KIRREL3: variants seen among roughly 807,000 people sequenced by gnomAD.
The protein encoded by KIRREL3 is kirre like nephrin family adhesion molecule 3, also known as kin of IRRE-like protein 3.
KIRREL3 carries 36 observed loss-of-function variants against 89.7 expected under a neutral mutation model. The ratio of observed to expected loss-of-function variants is 0.40; its 90% CI spans 0.31 to 0.53. The LOEUF is 0.53. Among genes scored for constraint, KIRREL3 ranks in the 20% least tolerant of loss-of-function variants. KIRREL3 has a pLI of 0.49. For synonymous variants in KIRREL3, 445 were observed against 441.4 expected (o/e 1.01, Z -0.10); for missense variants, 864 against 1,056.6 (o/e 0.82, Z 2.53).
Position 126,776,729 on chromosome 11 carries a change from A to T in KIRREL3, c.56-213817T>A, listed in dbSNP as rs1356824998. ...AGAGAACAGAGGGAATGCTTATGGA[A>T]CACCAACACCACTTCTTCTTTCACC... On this transcript the variant is annotated intron_variant, in intron 1 of 16. Transcript: ENST00000525144. This position sits in a 1 kb window ranked among gnomAD's most constrained non-coding sequence, Gnocchi z 4.7. Among the ~76,000 whole-genome samples the T allele has an allele frequency of 6.6e-6, 1 of 152,174 alleles. No homozygotes were observed. The highest frequency in any genetic ancestry group is 1.5e-5 in the Non-Finnish European group (1 of 68,032).
At chr11:127,001,293 T>G, upstream of KIRREL3, 1 of 29,736 alleles carries the variant, frequency 3.4e-5, no homozygotes, top group South Asian at 1.5e-3. Context: ...GAGTTTCCTG[T>G]GGGTGGGTGG....
rs893935723 is a variant in KIRREL3 at position 126,642,055 on chromosome 11, C to A, written c.56-79143G>T. Among the ~76,000 whole-genome samples, 3 of 152,158 alleles carry A rather than the reference C, an allele frequency of 2.0e-5. No homozygotes were observed. Among genetic ancestry groups the A allele is most frequent in the Non-Finnish European group, 4.4e-5 (3 of 68,024 alleles). On this transcript the variant is annotated intron_variant, in intron 1 of 16. Transcript: ENST00000525144. The surrounding 1 kb of genome is among the most constrained non-coding windows in gnomAD (Gnocchi z 4.9). ...TGTCCTTAGATGCTGCAGATGGAGC[C>A]CAGATCCCAGTGAGCGACTGCTGGG...
chr11:126,429,152 T>C lies in KIRREL3; in HGVS notation c.1806+27A>G, dbSNP rs954739230. ...ACCTTCTGGGAATGGAGTCACGGGA[T>C]GGGATGGGGCGTAATTGCATTCTTA... On this transcript the variant is annotated intron_variant, in intron 15 of 16. Transcript: ENST00000525144. The surrounding 1 kb of genome is among the most constrained non-coding windows in gnomAD (Gnocchi z 5.2). The C allele has an allele frequency of 3.2e-5, 46 of 1,423,028 alleles. No homozygotes were observed. The highest frequency in any genetic ancestry group is 1.8e-4 in the Middle Eastern group (1 of 5,676). The allele number at this position is 1,423,028 out of a possible 1,614,324, so 88.2% of individuals were successfully genotyped here.
rs1947952059 is a variant in KIRREL3, at chr11:126,931,600, T to C, written c.55+68855A>G. 6.6e-6 allele frequency among the ~76,000 whole-genome samples: 1 copy of C among 152,254 alleles called. No homozygotes were observed. The highest frequency in any genetic ancestry group is 1.5e-5 in the Non-Finnish European group (1 of 68,050). On this transcript the variant is annotated intron_variant, in intron 1 of 16. Coordinates refer to ENST00000525144, the MANE Select transcript of KIRREL3 (RefSeq NM_032531.4). This position sits in a 1 kb window ranked among gnomAD's most constrained non-coding sequence, Gnocchi z 5.1. The stretch of plus-strand genomic sequence containing the variant: ...AATGAAGCTGTTTTATGTCCAAATC[T>C]ACTTTCTAGTAGCAAGTATAAGAAT...
rs1174598727 is a variant in KIRREL3 at position 126,734,103 on chromosome 11, G to A, written c.56-171191C>T. Among the ~76,000 whole-genome samples the A allele has an allele frequency of 6.6e-6, 1 of 152,180 alleles. No individual in the cohort carries two copies. Among genetic ancestry groups the A allele is most frequent in the African/African-American group, 2.4e-5 (1 of 41,450 alleles). On this transcript the variant is annotated intron_variant, in intron 1 of 16. Transcript: ENST00000525144. This position sits in a 1 kb window ranked among gnomAD's most constrained non-coding sequence, Gnocchi z 5.9. Reference sequence around the variant, plus strand: ...AACTACTGAGGCAGAAGCTGCATTAGAACAAGATCCCTAGGTGGTTTGTTT... The same window carrying A: ...AACTACTGAGGCAGAAGCTGCATTAAAACAAGATCCCTAGGTGGTTTGTTT...
At chr11:126,600,973 G>C (rs550592600) in intron 1 of KIRREL3, among the ~76,000 whole-genome samples, 1 of 152,090 alleles carries the variant, frequency 6.6e-6, no homozygotes, top group African/African-American at 2.4e-5. Flanking sequence ...CCCCTCCACG[G>C]ATCTCCTACC....
At position 126,561,694 on chromosome 11, in the gene KIRREL3, T is replaced by C. The variant is rs971918550; in HGVS notation, c.133+1141A>G. Among the ~76,000 whole-genome samples the C allele has an allele frequency of 7.2e-5, 11 of 152,210 alleles. No individual in the cohort carries two copies. The highest frequency in any genetic ancestry group is 1.2e-4 in the Non-Finnish European group (8 of 68,040). On this transcript the variant is annotated intron_variant, in intron 2 of 16. Coordinates refer to ENST00000525144, the MANE Select transcript of KIRREL3 (RefSeq NM_032531.4). The surrounding 1 kb of genome is among the most constrained non-coding windows in gnomAD (Gnocchi z 4.5). ...AATGGGAAGTAGCTTTTTGATGCTGTTGGCTTCAGGCAGGCAGCAAATGGG... is the reference window on the plus strand; with the variant it reads ...AATGGGAAGTAGCTTTTTGATGCTGCTGGCTTCAGGCAGGCAGCAAATGGG...
chr11:126,913,228 G>A (rs79338940), intron 1 of KIRREL3, among the ~76,000 whole-genome samples: 2,833 of 152,310 alleles, frequency 0.019, 51 homozygotes, highest in Non-Finnish European at 0.028. Flanking sequence ...GGTTGGGGAA[G>A]GCAGTCACTC....
intron 1 of KIRREL3, among the ~76,000 whole-genome samples, chr11:126,914,381 G>T (rs1946953672): frequency 6.6e-6 from 1 of 152,200 alleles, no homozygotes; most frequent in Non-Finnish European, 1.5e-5. Context: ...ATGAGACATG[G>T]TTTCCATTCT....
In KIRREL3 at chr11:126,489,320, G is replaced by C. The variant is rs1055871022; in HGVS notation, c.434-15854C>G. On this transcript the variant is annotated intron_variant, in intron 4 of 16. Coordinates refer to ENST00000525144, the MANE Select transcript of KIRREL3 (RefSeq NM_032531.4). The surrounding 1 kb of genome is among the most constrained non-coding windows in gnomAD (Gnocchi z 5.5). Reference sequence around the variant, plus strand: ...TCTCCTGCCCCAGCTCAGCCTGCACGGAGCAGGTGCTCAACAGATGAGCAC... The same window carrying C: ...TCTCCTGCCCCAGCTCAGCCTGCACCGAGCAGGTGCTCAACAGATGAGCAC... Among the ~76,000 whole-genome samples the C allele has an allele frequency of 6.6e-6, 1 of 152,178 alleles. No individual in the cohort carries two copies. Among genetic ancestry groups the C allele is most frequent in the Non-Finnish European group, 1.5e-5 (1 of 68,032 alleles).
Position 126,451,238 on chromosome 11 carries a change from CAT to C in KIRREL3, c.849-2083_849-2082del, listed in dbSNP as rs1165761258. Among the ~76,000 whole-genome samples the C allele has an allele frequency of 6.9e-5, 9 of 129,540 alleles. No individual in the cohort carries two copies. The East Asian group carries it at 1.3e-3, about 18-fold the overall frequency. The allele number at this position is 129,540 out of a possible 152,430, so 85.0% of individuals were successfully genotyped here. A position where few individuals can be genotyped will look rare whatever the true frequency, so the allele number is the denominator to read the frequency against. On this transcript the variant is annotated intron_variant, in intron 7 of 16. Transcript: ENST00000525144. ...GTGTGGGTGTGTGTATGCATGTGTA[CAT>C]GTGTGAGCATGTGTGCATTGCTTGT...
intron 1 of KIRREL3, among the ~76,000 whole-genome samples, chr11:126,596,234 T>C (rs10893545): frequency 0.19 from 29,114 of 152,180 alleles, 3,669 homozygotes; most frequent in African/African-American, 0.36. Context: ...AACAAGAATG[T>C]TCTGTTCACT....
intron 1 of KIRREL3, among the ~76,000 whole-genome samples, chr11:126,921,470 T>C (rs541758847): frequency 1.3e-5 from 2 of 152,146 alleles, no homozygotes; most frequent in South Asian, 4.2e-4. Context: ...TACCTATCTG[T>C]CCATCCATCT....
chr11:126,470,992 A>T (rs12796090), intron 5 of KIRREL3, among the ~76,000 whole-genome samples: 1 of 151,986 alleles, frequency 6.6e-6, no homozygotes, highest in Non-Finnish European at 1.5e-5. Context: ...GGGCTGTTTA[A>T]AAATGTACCC....
chr11:126,595,823 C>T (rs899426301), intron 1 of KIRREL3, among the ~76,000 whole-genome samples: 12 of 152,238 alleles, frequency 7.9e-5, no homozygotes, highest in African/African-American at 2.9e-4. Flanking sequence ...GTGACAGACG[C>T]CAGCCAGGAC....
intron 1 of KIRREL3, among the ~76,000 whole-genome samples, chr11:126,644,237 G>A (rs1397258687): frequency 6.6e-6 from 1 of 152,208 alleles, no homozygotes; most frequent in Admixed American, 6.5e-5. Context: ...GCAGAAGGAC[G>A]AAAAGCTGAG....
rs1048798211 is a variant in KIRREL3 at position 126,989,618 on chromosome 11, G to C, written c.55+10837C>G. Among the ~76,000 whole-genome samples, 1 of 152,102 alleles carries C rather than the reference G, an allele frequency of 6.6e-6. No homozygotes were observed. Among genetic ancestry groups the C allele is most frequent in the African/African-American group, 2.4e-5 (1 of 41,396 alleles). ...GTTCACGCTGCCTGTGGATCAACTC[G>C]GGATCTCAGACACATCTCGTCACAA... On this transcript the variant is annotated intron_variant, in intron 1 of 16. Coordinates refer to ENST00000525144, the MANE Select transcript of KIRREL3 (RefSeq NM_032531.4). This position sits in a 1 kb window ranked among gnomAD's most constrained non-coding sequence, Gnocchi z 6.2.
In KIRREL3 at chr11:126,872,657, T is replaced by C. The variant is rs762642144; in HGVS notation, c.55+127798A>G. On this transcript the variant is annotated intron_variant, in intron 1 of 16. Coordinates refer to ENST00000525144, the MANE Select transcript of KIRREL3 (RefSeq NM_032531.4). This position sits in a 1 kb window ranked among gnomAD's most constrained non-coding sequence, Gnocchi z 4.2. ...TGCTCCAGAGTGTCTATCTTTTCTTTCTCTGTCTCCCTCCTATCCCACCCC... is the reference window on the plus strand; with the variant it reads ...TGCTCCAGAGTGTCTATCTTTTCTTCCTCTGTCTCCCTCCTATCCCACCCC... 2.6e-5 allele frequency among the ~76,000 whole-genome samples: 4 copies of C among 152,234 alleles called. No individual in the cohort carries two copies. The highest frequency in any genetic ancestry group is 2.9e-5 in the Non-Finnish European group (2 of 68,040).
intron 1 of KIRREL3, among the ~76,000 whole-genome samples, chr11:126,790,138 A>G (rs983399366): frequency 2.0e-5 from 3 of 152,156 alleles, no homozygotes; most frequent in Non-Finnish European, 4.4e-5. Flanking sequence ...TACCCACTCT[A>G]TTGGAGTGGT....
Sources: allele counts gnomAD v4.1 joint callset (sites outside exome capture counted in the v4.1 genomes callset), GRCh38; gene constraint gnomAD v4.1.1; non-coding constraint Gnocchi (gnomAD v3.1); transcripts MANE v1.5; gene names NCBI Gene and HGNC (gene_info 2026-07-23, HGNC 2026-07-21).